Variants in RGMB observed in about 807,000 individuals in gnomAD.
RGMB encodes the protein repulsive guidance molecule BMP co-receptor b.
A neutral mutation model predicts 26.9 loss-of-function variants in RGMB; 16 were observed. That is an observed-to-expected ratio of 0.60 (90% CI 0.40 to 0.90). The LOEUF (loss-of-function observed/expected upper bound fraction) is 0.90, where lower values mean the gene tolerates loss of function less well. RGMB is among the 40% of genes least tolerant of loss of function. The pLI, the probability that RGMB is intolerant of heterozygous loss-of-function variation, is 0.00. For synonymous variants in RGMB, 225 were observed against 229.3 expected (o/e 0.98, Z 0.17); for missense variants, 512 against 573.3 (o/e 0.89, Z 1.09).
intron 2 of RGMB, among the ~76,000 whole-genome samples, chr5:98,789,477 TG>T (rs1037011569): frequency 6.9e-6 from 1 of 144,022 alleles, no homozygotes; most frequent in Admixed American, 6.8e-5. Flanking sequence ...TCATTTAATA[TG>T]TTTTTTTTTT....
In RGMB at chr5:98,774,002, G is replaced by A; in HGVS notation, c.-69G>A. ...GCCCCCCGGCCCATGCCGCAGCCACGGGCCCAGACCCGCCACGGCGCCCGC... is the reference window on the plus strand; with the variant it reads ...GCCCCCCGGCCCATGCCGCAGCCACAGGCCCAGACCCGCCACGGCGCCCGC... On this transcript the variant is annotated 5_prime_UTR_variant, in exon 1 of 3. Transcript: ENST00000513185. 1.6e-6 allele frequency: 1 copy of A among 637,254 alleles called. No individual in the cohort carries two copies. The highest frequency in any genetic ancestry group is 3.4e-5 in the East Asian group (1 of 29,246). The allele number at this position is 637,254 out of a possible 1,614,324, so 39.5% of individuals were successfully genotyped here.
At chr5:98,774,994 G>T (rs933612479) in intron 1 of RGMB, among the ~76,000 whole-genome samples, 1 of 152,100 alleles carries the variant, frequency 6.6e-6, no homozygotes, top group South Asian at 2.1e-4. Flanking sequence ...GAAAATCCAG[G>T]ACGCTCTTCA....
Position 98,794,071 on chromosome 5 carries a change from T to G in RGMB, c.*318T>G. 1 of 203,884 alleles carries G rather than the reference T, an allele frequency of 4.9e-6. No individual in the cohort carries two copies. Among genetic ancestry groups the G allele is most frequent in the Non-Finnish European group, 9.9e-6 (1 of 101,164 alleles). 12.6% of individuals were successfully genotyped at this position (203,884 alleles called of 1,614,324 possible). A position where few individuals can be genotyped will look rare whatever the true frequency, so the allele number is the denominator to read the frequency against. On this transcript the variant is annotated 3_prime_UTR_variant, in exon 3 of 3. Transcript: ENST00000513185. Reference sequence around the variant, plus strand: ...TATGTGTGTGCTTGGTTGATATGTATAGTACATATACACAGACATCCATAT... The same window carrying G: ...TATGTGTGTGCTTGGTTGATATGTAGAGTACATATACACAGACATCCATAT...
rs1249696065 is a variant in RGMB, at chr5:98,794,278, C to T, written c.*525C>T. On this transcript the variant is annotated 3_prime_UTR_variant, in exon 3 of 3. Transcript: ENST00000513185. The stretch of plus-strand genomic sequence containing the variant: ...CTGCCCTCACTTGATTTGAAAGGGT[C>T]GTTAACTCTCCCTTACAGGTGCTTT... The T allele has an allele frequency of 1.3e-5, 2 of 152,386 alleles. No individual in the cohort carries two copies. The highest frequency in any genetic ancestry group is 2.1e-4 in the South Asian group (1 of 4,828). 9.4% of individuals were successfully genotyped at this position (152,386 alleles called of 1,614,324 possible). A position where few individuals can be genotyped will look rare whatever the true frequency, so the allele number is the denominator to read the frequency against.
Position 98,773,838 on chromosome 5 carries a change from C to T in RGMB, c.-233C>T, listed in dbSNP as rs943009455. 2 of 469,130 alleles carry T rather than the reference C, an allele frequency of 4.3e-6. No homozygotes were observed. The highest frequency in any genetic ancestry group is 3.7e-6 in the Non-Finnish European group (1 of 271,650). The allele number at this position is 469,130 out of a possible 1,614,324, so 29.1% of individuals were successfully genotyped here. A position where few individuals can be genotyped will look rare whatever the true frequency, so the allele number is the denominator to read the frequency against. ...TTCCGCCCCTTTCCCTGCCTGCCGC[C>T]TCCGGCCGCCACGATGCCCCTGCGC... On this transcript the variant is annotated 5_prime_UTR_variant, in exon 1 of 3. Transcript: ENST00000513185.
At position 98,780,018 on chromosome 5, in the gene RGMB, A is replaced by G. The variant is rs753256367; in HGVS notation, c.575A>G (p.Asn192Ser). The G allele has an allele frequency of 1.9e-6, 3 of 1,613,914 alleles. No individual in the cohort carries two copies. Among genetic ancestry groups the G allele is most frequent in the Admixed American group, 3.3e-5 (2 of 60,022 alleles). Residue 192 changes from asparagine to serine, a missense_variant, in exon 2 of 3, where the codon AAT (asparagine) becomes AGT (serine). By Grantham distance (46) the Asn-to-Ser change is conservative. Transcript: ENST00000513185. ...GAAGGGGCCTGGCCACTCATAGATA[A>G]TAATTATCTTTCAGTTCAAGTGACA... is the stretch of plus-strand genomic sequence containing the variant. The part of the protein sequence containing the change: ...KVEGAWPLID[N>S]NYLSVQVTNV...
chr5:98,787,857 C>T (rs757403040), intron 2 of RGMB, among the ~76,000 whole-genome samples: 1 of 152,130 alleles, frequency 6.6e-6, no homozygotes, highest in Non-Finnish European at 1.5e-5. Flanking sequence ...CTTCCTGGGC[C>T]AGCTTCCCTT....
chr5:98,773,664 CAG>C lies in RGMB; in HGVS notation c.-403_-402del, dbSNP rs1289833426. 2.9e-6 allele frequency: 1 copy of C among 346,398 alleles called. No homozygotes were observed. The highest frequency in any genetic ancestry group is 4.4e-5 in the East Asian group (1 of 22,686). The allele number at this position is 346,398 out of a possible 1,614,324, so 21.5% of individuals were successfully genotyped here. The stretch of plus-strand genomic sequence containing the variant: ...TTGATCGACCGCGGGGGCTGCCGCG[CAG>C]AGATATCCGGGCCGCCGGTGGGTGG... On this transcript the variant is annotated 5_prime_UTR_variant, in exon 1 of 3. Transcript: ENST00000513185.
At chr5:98,788,121 A>G (rs1172715943) in intron 2 of RGMB, among the ~76,000 whole-genome samples, 8 of 152,218 alleles carry the variant, frequency 5.3e-5, no homozygotes, top group African/African-American at 1.9e-4. Context: ...AGACATGAGG[A>G]TAGAGAAACT....
At chr5:98,790,757 A>G (rs1337208883) in intron 2 of RGMB, among the ~76,000 whole-genome samples, 2 of 152,238 alleles carry the variant, frequency 1.3e-5, no homozygotes, top group Non-Finnish European at 2.9e-5. Flanking sequence ...CTTGCAGATA[A>G]TATCAAGTTG....
At position 98,786,275 on chromosome 5, in the gene RGMB, C is replaced by T. The variant is rs567031955; in HGVS notation, c.645+6187C>T. 5.3e-5 allele frequency among the ~76,000 whole-genome samples: 8 copies of T among 152,290 alleles called. No individual in the cohort carries two copies. In the East Asian group the frequency reaches 1.5e-3, roughly 29 times the overall value. The stretch of plus-strand genomic sequence containing the variant: ...ATTTGTAAGTGAAATTAACCCAGCG[C>T]CTGTCCCTGTGTGAGCCAGGCAAGA... On this transcript the variant is annotated intron_variant, in intron 2 of 2. Transcript: ENST00000513185.
upstream of RGMB, chr5:98,770,518 G>A (rs1487080097): frequency 1.7e-6 from 1 of 600,404 alleles, no homozygotes; most frequent in Non-Finnish European, 2.5e-6. Flanking sequence ...CGGGTGATGA[G>A]CCCCCCGCAA....
chr5:98,783,109 G>T (rs1396253900), intron 2 of RGMB, among the ~76,000 whole-genome samples: 1 of 152,170 alleles, frequency 6.6e-6, no homozygotes, highest in East Asian at 1.9e-4. Context: ...GTCATGGTGT[G>T]CACAGGTATG....
intron 2 of RGMB, among the ~76,000 whole-genome samples, chr5:98,785,060 T>G (rs528154262): frequency 6.6e-6 from 1 of 152,274 alleles, no homozygotes; most frequent in East Asian, 1.9e-4. Context: ...ATTGTGACCC[T>G]CCTTGCTTTA....
intron 1 of RGMB, among the ~76,000 whole-genome samples, chr5:98,775,416 G>C (rs557885861): frequency 6.6e-6 from 1 of 152,180 alleles, no homozygotes; most frequent in Non-Finnish European, 1.5e-5. Flanking sequence ...GATGATTACG[G>C]CTTTCAATTA....
At chr5:98,775,376 T>C (rs1746367870) in intron 1 of RGMB, among the ~76,000 whole-genome samples, 1 of 152,188 alleles carries the variant, frequency 6.6e-6, no homozygotes, top group South Asian at 2.1e-4. Flanking sequence ...AAAAGACGGC[T>C]TAATAAAAAA....
intron 2 of RGMB, among the ~76,000 whole-genome samples, chr5:98,786,383 G>C (rs1338498303): frequency 6.6e-6 from 1 of 152,220 alleles, no homozygotes; most frequent in Non-Finnish European, 1.5e-5. Context: ...ATGAGGCCAA[G>C]TCTGATACAC....
upstream of RGMB, chr5:98,771,775 A>C (rs540192280): frequency 1.3e-5 from 2 of 152,292 alleles, no homozygotes; most frequent in Non-Finnish European, 2.9e-5. Context: ...TACTTATGGA[A>C]CAGGATATAG....
intron 2 of RGMB, among the ~76,000 whole-genome samples, chr5:98,787,064 G>T (rs1383710551): frequency 1.3e-5 from 2 of 152,198 alleles, no homozygotes; most frequent in African/African-American, 4.8e-5. Context: ...TGCATGCACA[G>T]ATGTACATGC....
Sources: gnomAD v4.1 joint callset for allele counts (sites outside exome capture counted in the v4.1 genomes callset) on GRCh38, gnomAD v4.1.1 for gene constraint, MANE v1.5 for transcripts, NCBI Gene and HGNC (gene_info 2026-07-23, HGNC 2026-07-21) for gene names.